GRIA4: variants seen among roughly 807,000 people sequenced by gnomAD.
The protein encoded by GRIA4 is glutamate receptor 4.
Under a neutral mutation model 104.0 loss-of-function variants are expected in GRIA4, and 34 were observed. The ratio of observed to expected loss-of-function variants is 0.33; its 90% CI spans 0.25 to 0.44. The LOEUF (loss-of-function observed/expected upper bound fraction) is 0.44. GRIA4 is among the 20% of genes least tolerant of loss of function. The pLI is 1.00. For missense variants in GRIA4, 750 were observed against 1,096.5 expected (o/e 0.68, Z 4.46); for synonymous variants, 386 against 381.9 (o/e 1.01, Z -0.13).
chr11:105,795,473 A>G (rs577869910), intron 4 of GRIA4, among the ~76,000 whole-genome samples: 2 of 152,280 alleles, frequency 1.3e-5, no homozygotes, highest in Admixed American at 1.3e-4. Context: ...TTACGAAAGG[A>G]ACTAGAGTGT....
intron 3 of GRIA4, among the ~76,000 whole-genome samples, chr11:105,721,382 A>G (rs1439206497): frequency 6.6e-6 from 1 of 151,948 alleles, no homozygotes; most frequent in Non-Finnish European, 1.5e-5. Flanking sequence ...TGTCTCCTCC[A>G]TTCTCACAGA....
intron 4 of GRIA4, among the ~76,000 whole-genome samples, chr11:105,807,503 G>A (rs563155961): frequency 6.4e-4 from 97 of 151,908 alleles, no homozygotes; most frequent in African/African-American, 2.1e-3. Context: ...TTACCTCTGA[G>A]GAATAAAAAT....
intron 3 of GRIA4, among the ~76,000 whole-genome samples, chr11:105,676,001 A>T (rs374886714): frequency 4.6e-5 from 7 of 151,802 alleles, no homozygotes; most frequent in African/African-American, 1.7e-4. Flanking sequence ...TAGCCTTCTC[A>T]CATTTATAAA....
rs1952905229 is a variant in GRIA4, at chr11:105,687,039, C to A, written c.248-65942C>A. 3.3e-5 allele frequency among the ~76,000 whole-genome samples: 5 copies of A among 152,050 alleles called. No homozygotes were observed. The South Asian group carries it at 1.0e-3, about 32-fold the overall frequency. ...TGACCATTTACTCTGTTGATAGTTT[C>A]TTTTGCTGTGCAGAAGCTCTTTAGT... On this transcript the variant is annotated intron_variant, in intron 3 of 16. Transcript: ENST00000282499.
At position 105,924,695 on chromosome 11, in the gene GRIA4, T is replaced by C; in HGVS notation, c.1773T>C (p.Asn591=). 6.2e-7 allele frequency: 1 copy of C among 1,612,500 alleles called. No homozygotes were observed. The highest frequency in any genetic ancestry group is 8.5e-7 in the Non-Finnish European group (1 of 1,178,864). ...GKEGPSDQPP[N]EFGIFNSLWF... ...AAGGACCCAGCGACCAGCCTCCCAA[T>C]GAGTTTGGCATCTTTAACAGCCTCT... Residue 591 remains asparagine (N), a synonymous_variant, in exon 12 of 17, where the codon AAT becomes AAC. Transcript: ENST00000282499.
chr11:105,654,680 T>A (rs765672667), intron 3 of GRIA4, among the ~76,000 whole-genome samples: 3 of 152,164 alleles, frequency 2.0e-5, no homozygotes, highest in Non-Finnish European at 2.9e-5. Flanking sequence ...AGTCTTTCTA[T>A]GACATAATAC....
intron 14 of GRIA4, among the ~76,000 whole-genome samples, chr11:105,950,997 A>G (rs1381639333): frequency 6.6e-6 from 1 of 152,194 alleles, no homozygotes; most frequent in Non-Finnish European, 1.5e-5. Context: ...AAGTCACCTA[A>G]CTTTCATTAG....
chr11:105,610,891 G>C lies in GRIA4; in HGVS notation c.-90-17G>C. ...TTTTCTTTTTTTTTTTTTTTTTTTGGTTGATTTTAATTTTAGCGCCATCGT... is the reference window on the plus strand; with the variant it reads ...TTTTCTTTTTTTTTTTTTTTTTTTGCTTGATTTTAATTTTAGCGCCATCGT... On this transcript the variant is annotated splice_polypyrimidine_tract_variant and intron_variant, in intron 1 of 16. Transcript: ENST00000282499. 2 of 283,732 alleles carry C rather than the reference G, an allele frequency of 7.0e-6. No homozygotes were observed. Among genetic ancestry groups the C allele is most frequent in the Non-Finnish European group, 1.1e-5 (2 of 174,504 alleles). 17.6% of individuals were successfully genotyped at this position (283,732 alleles called of 1,614,324 possible).
At chr11:105,880,436 A>C (rs766897790) in intron 5 of GRIA4, among the ~76,000 whole-genome samples, 6 of 152,204 alleles carry the variant, frequency 3.9e-5, no homozygotes, top group Non-Finnish European at 7.3e-5. Flanking sequence ...GGAATCAAAC[A>C]GCTGAATTTC....
intron 4 of GRIA4, among the ~76,000 whole-genome samples, chr11:105,776,569 T>A (rs534399346): frequency 7.3e-4 from 111 of 152,342 alleles, no homozygotes; most frequent in African/African-American, 2.6e-3. Flanking sequence ...AGATAATTCA[T>A]GTAAACTGTT....
intron 4 of GRIA4, among the ~76,000 whole-genome samples, chr11:105,816,172 C>T (rs989604099): frequency 5.9e-5 from 9 of 152,070 alleles, no homozygotes; most frequent in Non-Finnish European, 1.2e-4. Context: ...TTGGCCTTCT[C>T]GTCAGGAAAA....
rs371309639 is a variant in GRIA4 at position 105,827,295 on chromosome 11, G to A, written c.488-34729G>A. Among the ~76,000 whole-genome samples the A allele has an allele frequency of 3.3e-5, 5 of 151,936 alleles. No homozygotes were observed. The East Asian group carries it at 7.8e-4, about 24-fold the overall frequency. ...ATATTGTCATAGTAAAATAATATTT[G>A]TTATATATGATACAATATCAAATCA... On this transcript the variant is annotated intron_variant, in intron 4 of 16. Coordinates refer to ENST00000282499, the MANE Select transcript of GRIA4 (RefSeq NM_000829.4).
chr11:105,753,371 A>G (rs1940119397), intron 4 of GRIA4, 151 bp downstream of exon 4: 2 of 705,486 alleles, frequency 2.8e-6, no homozygotes, highest in Admixed American at 2.6e-5. Context: ...GACTCTGGGG[A>G]AAAATTTCTA....
chr11:105,627,179 A>G (rs545141540), intron 3 of GRIA4, among the ~76,000 whole-genome samples: 1 of 152,304 alleles, frequency 6.6e-6, no homozygotes, highest in Admixed American at 6.5e-5. Context: ...GCTATACTCT[A>G]AAGAGAAAGA....
At chr11:105,902,307 C>T (rs1946887014) in intron 7 of GRIA4, among the ~76,000 whole-genome samples, 1 of 151,528 alleles carries the variant, frequency 6.6e-6, no homozygotes. Context: ...GCCGTGTTGC[C>T]TAAGTTTACT....
rs1415804874 is a variant in GRIA4, at chr11:105,894,844, C to T, written c.727-3425C>T. ...GTCTCGCTCTGTCGCCCAGGCTGGA[C>T]TGCGGACTGCAGTGGCGCAATCTCG... On this transcript the variant is annotated intron_variant, in intron 6 of 16. Coordinates refer to ENST00000282499, the MANE Select transcript of GRIA4 (RefSeq NM_000829.4). Among the ~76,000 whole-genome samples, 2 of 100,026 alleles carry T rather than the reference C, an allele frequency of 2.0e-5. 1 individual carries two copies. Among genetic ancestry groups the T allele is most frequent in the Non-Finnish European group, 4.2e-5 (2 of 47,108 alleles). 65.6% of individuals were successfully genotyped at this position (100,026 alleles called of 152,430 possible).
At chr11:105,863,441 T>G (rs947800232) in intron 5 of GRIA4, among the ~76,000 whole-genome samples, 2 of 151,926 alleles carry the variant, frequency 1.3e-5, no homozygotes, top group African/African-American at 4.8e-5. Context: ...TTGGGAAATA[T>G]TAATTAAAAG....
intron 3 of GRIA4, among the ~76,000 whole-genome samples, chr11:105,615,772 C>A (rs1950584391): frequency 6.6e-6 from 1 of 151,650 alleles, no homozygotes; most frequent in African/African-American, 2.4e-5. Context: ...CAAAAGCTGG[C>A]TGTTTTCTCA....
intron 3 of GRIA4, among the ~76,000 whole-genome samples, chr11:105,641,407 A>G (rs1301490593): frequency 6.6e-6 from 1 of 152,198 alleles, no homozygotes; most frequent in East Asian, 1.9e-4. Context: ...TTACTGTAGC[A>G]GAAACTTGGG....
Sources: gnomAD v4.1 joint callset for allele counts (sites outside exome capture counted in the v4.1 genomes callset) on GRCh38, gnomAD v4.1.1 for gene constraint, MANE v1.5 for transcripts, NCBI Gene and HGNC (gene_info 2026-07-23, HGNC 2026-07-21) for gene names.